The following PCDHA9 variants were observed in gnomAD, a reference collection of about 807,000 sequenced individuals.
PCDHA9 encodes protocadherin alpha 9, also known as protocadherin alpha-9.
A neutral mutation model predicts 62.0 loss-of-function variants in PCDHA9; 62 were observed. That is an observed-to-expected ratio of 1.00 (90% CI 0.81 to 1.23). The LOEUF is 1.23. PCDHA9 is among the 50% of genes most tolerant of loss of function. The pLI is 0.00. For synonymous variants in PCDHA9, 557 were observed against 567.6 expected, an observed-to-expected ratio of 0.98 and a Z score of 0.27; for missense variants, 1,205 against 1,249.8, an observed-to-expected ratio of 0.96 and a Z score of 0.54.
chr5:140,887,306 C>G (rs2061398552), intron 1 of PCDHA9, among the ~76,000 whole-genome samples: 1 of 152,096 alleles, frequency 6.6e-6, no homozygotes. Flanking sequence ...TCTTGTTAGC[C>G]AGGATAGTCT....
rs1417497577 is a variant in PCDHA9, at chr5:140,848,942, C to A, written c.447C>A (p.Asp149Glu). Reference protein sequence around the residue: ...NLFIAESRPLDSRFPLEGASD... With the variant: ...NLFIAESRPLESRFPLEGASD... Reference sequence around the variant, plus strand: ...TCATCGCGGAATCCAGGCCGCTTGACTCTCGGTTTCCACTAGAGGGCGCGT... The same window carrying A: ...TCATCGCGGAATCCAGGCCGCTTGAATCTCGGTTTCCACTAGAGGGCGCGT... Residue 149 changes from aspartate (D) to glutamate (E), a missense_variant, in exon 1 of 4, where the codon GAC becomes GAA. By Grantham distance (45) the Asp-to-Glu change is conservative (BLOSUM62 2). Coordinates refer to ENST00000532602, the MANE Select transcript of PCDHA9 (RefSeq NM_031857.2). The A allele has an allele frequency of 6.2e-7, 1 of 1,607,226 alleles. No individual in the cohort carries two copies. Among genetic ancestry groups the A allele is most frequent in the African/African-American group, 1.4e-5 (1 of 73,540 alleles).
At chr5:140,876,668 C>T (rs2056489032) in intron 1 of PCDHA9, 1 of 1,614,198 alleles carries the variant, frequency 6.2e-7, no homozygotes, top group Non-Finnish European at 8.5e-7. Flanking sequence ...AAGCTGGTGT[C>T]CACCTACAAG....
At chr5:140,941,666 C>G (rs1029878263) in intron 1 of PCDHA9, among the ~76,000 whole-genome samples, 4 of 152,004 alleles carry the variant, frequency 2.6e-5, no homozygotes, top group Non-Finnish European at 4.4e-5. Context: ...AATTTTATGT[C>G]AAGTTCAATA....
intron 1 of PCDHA9, chr5:140,966,863 C>G: frequency 6.4e-7 from 1 of 1,562,680 alleles, no homozygotes; most frequent in Non-Finnish European, 8.6e-7. Flanking sequence ...GCTGCTGTTG[C>G]TGCTGCTGCT....
chr5:140,920,804 A>G (rs2079833395), intron 1 of PCDHA9, among the ~76,000 whole-genome samples: 1 of 151,364 alleles, frequency 6.6e-6, no homozygotes, highest in South Asian at 2.1e-4. Context: ...AGATCACGCC[A>G]CTGCACTCCA....
chr5:140,913,781 A>G (rs1554196050), intron 1 of PCDHA9, among the ~76,000 whole-genome samples: 2 of 151,976 alleles, frequency 1.3e-5, no homozygotes, highest in African/African-American at 4.8e-5. Flanking sequence ...TTGTGTTTCC[A>G]TTATCATTTG....
rs2098421123 is a variant in PCDHA9, at chr5:141,011,585, A to G, written c.*1648A>G. 6.5e-6 allele frequency: 1 copy of G among 153,746 alleles called. No individual in the cohort carries two copies. The highest frequency in any genetic ancestry group is 1.5e-5 in the Non-Finnish European group (1 of 68,036). 9.5% of individuals were successfully genotyped at this position (153,746 alleles called of 1,614,324 possible). ...TAAAATTTCTTTCTTAAATCAAGAT[A>G]CTGGTGATTCAAGGAATTTTATTTA... On this transcript the variant is annotated 3_prime_UTR_variant, in exon 4 of 4. Coordinates refer to ENST00000532602, the MANE Select transcript of PCDHA9 (RefSeq NM_031857.2).
intron 1 of PCDHA9, chr5:140,966,327 C>A (rs1381846026): frequency 5.1e-6 from 2 of 392,388 alleles, no homozygotes; most frequent in East Asian, 3.6e-5. Flanking sequence ...CCGCTGGGAT[C>A]CGGCAGGTCC....
intron 1 of PCDHA9, among the ~76,000 whole-genome samples, chr5:140,912,063 A>C (rs1458411803): frequency 6.6e-6 from 1 of 152,214 alleles, no homozygotes; most frequent in Non-Finnish European, 1.5e-5. Context: ...CTTGGAGTCC[A>C]ATGTTCAAGG....
Position 140,850,613 on chromosome 5 carries a change from G to A in PCDHA9, c.2118G>A (p.Ala706=). 4.4e-6 allele frequency: 7 copies of A among 1,598,580 alleles called. 1 individual carries two copies. The highest frequency in any genetic ancestry group is 6.0e-6 in the Non-Finnish European group (7 of 1,167,886). ...VNVYLIIAIC[A]VSSLLVLTLL... is the part of the protein sequence containing the mutation. ...TGTACCTGATCATCGCCATCTGCGC[G>A]GTGTCTAGCCTGTTGGTTCTCACGC... The change falls in exon 1 of 4, where the codon GCG becomes GCA. Residue 706 remains alanine (A), a synonymous_variant. Coordinates refer to ENST00000532602, the MANE Select transcript of PCDHA9 (RefSeq NM_031857.2).
At chr5:140,868,600 T>C (rs2050538799) in intron 1 of PCDHA9, 1 of 153,224 alleles carries the variant, frequency 6.5e-6, no homozygotes, top group African/African-American at 2.4e-5. Context: ...CCCTAGTTTT[T>C]CATGAGGCCA....
At chr5:140,985,148 A>G (rs2097138818) in intron 3 of PCDHA9, among the ~76,000 whole-genome samples, 1 of 152,192 alleles carries the variant, frequency 6.6e-6, no homozygotes, top group South Asian at 2.1e-4. Context: ...CGTGTTAGCC[A>G]GGATTGTCTC....
At position 140,870,724 on chromosome 5, in the gene PCDHA9, G is replaced by T. The variant is rs140203389; in HGVS notation, c.2394+19835G>T. 8.1e-4 allele frequency: 1,312 copies of T among 1,613,160 alleles called. 10 individuals carry two copies. In the African/African-American group the frequency reaches 0.014, roughly 18 times the overall value. On this transcript the variant is annotated intron_variant, in intron 1 of 3. Coordinates refer to ENST00000532602, the MANE Select transcript of PCDHA9 (RefSeq NM_031857.2). ...CCAGGTGAGCGCGCGCGATGCGGGC[G>T]TGCCGCCTCTGAGCAGCAACGTGAC...
intron 3 of PCDHA9, among the ~76,000 whole-genome samples, chr5:140,997,899 G>T (rs2097789789): frequency 6.6e-6 from 1 of 152,126 alleles, no homozygotes; most frequent in Non-Finnish European, 1.5e-5. Context: ...TAAATTTCAA[G>T]AAGTAGAATT....
At chr5:140,900,807 A>T (rs868976984) in intron 1 of PCDHA9, among the ~76,000 whole-genome samples, 1 of 152,176 alleles carries the variant, frequency 6.6e-6, no homozygotes, top group African/African-American at 2.4e-5. Context: ...TAGTGCTTGT[A>T]CTAATTTACA....
At chr5:140,969,948 G>A (rs1206322511) in intron 1 of PCDHA9, among the ~76,000 whole-genome samples, 3 of 152,198 alleles carry the variant, frequency 2.0e-5, no homozygotes, top group African/African-American at 7.2e-5. Context: ...TGAAGCTAAA[G>A]TTTGCTTTGG....
At chr5:140,991,682 C>G (rs1234700322) in intron 3 of PCDHA9, among the ~76,000 whole-genome samples, 2 of 152,170 alleles carry the variant, frequency 1.3e-5, no homozygotes, top group Non-Finnish European at 2.9e-5. Context: ...TCTGAGTCCT[C>G]TCTAGTAGAG....
rs148820707 is a variant in PCDHA9, at chr5:140,954,545, G to A, written c.2395-24404G>A. ...AGTGATGTTGAGGTTTTTTTCATAT[G>A]TTTGTTGGCTGCATGACTGTCTTCT... On this transcript the variant is annotated intron_variant, in intron 1 of 3. Coordinates refer to ENST00000532602, the MANE Select transcript of PCDHA9 (RefSeq NM_031857.2). 4.6e-3 allele frequency among the ~76,000 whole-genome samples: 702 copies of A among 152,204 alleles called. 2 individuals are homozygous for A. The highest frequency in any genetic ancestry group is 0.016 in the African/African-American group (679 of 41,554).
At chr5:140,933,458 C>G (rs1040429377) in intron 1 of PCDHA9, among the ~76,000 whole-genome samples, 2 of 151,968 alleles carry the variant, frequency 1.3e-5, no homozygotes, top group Non-Finnish European at 2.9e-5. Flanking sequence ...TCAAAATATA[C>G]TCTGAATTCA....
Sources: allele counts gnomAD v4.1 joint callset (sites outside exome capture counted in the v4.1 genomes callset), GRCh38; gene constraint gnomAD v4.1.1; transcripts MANE v1.5; gene names NCBI Gene and HGNC (gene_info 2026-07-23, HGNC 2026-07-21).